CABP1: variants seen among roughly 807,000 people sequenced by gnomAD.
The protein encoded by CABP1 is calcium binding protein 1, also known as calcium-binding protein 1.
In CABP1, 17 loss-of-function variants were observed where a neutral mutation model predicts 34.3. That is an observed-to-expected ratio of 0.50 (90% CI 0.34 to 0.74). The LOEUF (loss-of-function observed/expected upper bound fraction) is 0.74, where lower values mean the gene tolerates loss of function less well. CABP1 is among the 30% of genes least tolerant of loss of function. CABP1 has a pLI of 0.01. For synonymous variants in CABP1, 198 were observed against 229.2 expected (o/e 0.86, Z 1.23); for missense variants, 373 against 511.1 (o/e 0.73, Z 2.61).
In CABP1 at chr12:120,640,721, G is replaced by A; in HGVS notation, c.36G>A (p.Pro12=). The A allele has an allele frequency of 1.7e-6, 2 of 1,185,754 alleles. No individual in the cohort carries two copies. The highest frequency in any genetic ancestry group is 4.0e-5 in the South Asian group (1 of 25,188). 73.5% of individuals were successfully genotyped at this position (1,185,754 alleles called of 1,614,324 possible). A position where few individuals can be genotyped will look rare whatever the true frequency, so the allele number is the denominator to read the frequency against. The part of the protein sequence containing the change: ...GGGDGAAFKR[P]GDGARLQRVL... ...GCGACGGGGCCGCATTTAAGCGGCC[G>A]GGGGACGGCGCCCGCCTCCAGCGCG... The change falls in exon 1 of 6, where the codon CCG becomes CCA. Residue 12 remains proline (P), a synonymous_variant. Coordinates refer to ENST00000316803, the MANE Select transcript of CABP1 (RefSeq NM_001033677.2). This position sits in a 1 kb window ranked among gnomAD's most constrained non-coding sequence, Gnocchi z 6.2.
chr12:120,657,978 T>C (rs1880349009), intron 1 of CABP1, among the ~76,000 whole-genome samples: 1 of 152,126 alleles, frequency 6.6e-6, no homozygotes, highest in African/African-American at 2.4e-5. Flanking sequence ...AGACTGCTGG[T>C]ATGACCCATT....
At chr12:120,668,972 C>T (rs563408163), downstream of CABP1, among the ~76,000 whole-genome samples, 2 of 152,344 alleles carry the variant, frequency 1.3e-5, no homozygotes, top group South Asian at 4.1e-4. Context: ...GAATTTGCAT[C>T]TCTTACAAGT....
the CABP1 span, among the ~76,000 whole-genome samples, chr12:120,673,029 CA>C: frequency 6.7e-6 from 1 of 150,286 alleles, no homozygotes; most frequent in African/African-American, 2.5e-5. Context: ...GATTCCATTG[CA>C]AAAAAGAAAA....
chr12:120,650,669 ATC>A, intron 1 of CABP1: 1 of 1,614,042 alleles, frequency 6.2e-7, no homozygotes, highest in Non-Finnish European at 8.5e-7. Flanking sequence ...CCACTGAGAA[ATC>A]TCTCAAGGAA....
intron 1 of CABP1, chr12:120,655,762 G>C (rs930291591): frequency 1.4e-6 from 2 of 1,476,422 alleles, no homozygotes; most frequent in Non-Finnish European, 1.8e-6. Flanking sequence ...GAAGCCCCCC[G>C]CTGCCCCTGT....
chr12:120,673,498 C>T, the CABP1 span, among the ~76,000 whole-genome samples: 5 of 151,878 alleles, frequency 3.3e-5, no homozygotes, highest in African/African-American at 1.2e-4. Context: ...GCAGGAGAAT[C>T]GCTTGAACCC....
Position 120,659,892 on chromosome 12 carries a change from A to G in CABP1, c.669A>G (p.Arg223=). The change falls in exon 2 of 6, where the codon CGA becomes CGG. Residue 223 remains arginine, a synonymous_variant. Transcript: ENST00000316803. ...TTTTGTTTCAGGATAGATCACTGCG[A>G]CCAGAGGAAATTGAAGGTAAAACTT... The part of the protein sequence containing the change: ...SSAFGQDRSL[R]PEEIEELREA... The G allele has an allele frequency of 1.9e-6, 3 of 1,613,974 alleles. No individual in the cohort carries two copies. The highest frequency in any genetic ancestry group is 2.2e-5 in the East Asian group (1 of 44,866).
intron 1 of CABP1, among the ~76,000 whole-genome samples, chr12:120,648,786 C>T (rs978904341): frequency 5.3e-5 from 8 of 151,694 alleles, no homozygotes; most frequent in African/African-American, 1.9e-4. Flanking sequence ...GAGGCTGAGC[C>T]AGGAGAATCG....
In CABP1 at chr12:120,660,964, C is replaced by T; in HGVS notation, c.940-107C>T. The T allele has an allele frequency of 2.8e-6, 4 of 1,436,260 alleles. No homozygotes were observed. Among genetic ancestry groups the T allele is most frequent in the Non-Finnish European group, 3.9e-6 (4 of 1,038,210 alleles). 89.0% of individuals were successfully genotyped at this position (1,436,260 alleles called of 1,614,324 possible). A position where few individuals can be genotyped will look rare whatever the true frequency, so the allele number is the denominator to read the frequency against. The stretch of plus-strand genomic sequence containing the variant: ...GGAGGGAGCTTGGACAGAGAAAGGT[C>T]TCTGGTAAAGGGGGGCAATGACACT... On this transcript the variant is annotated intron_variant, in intron 4 of 5. Transcript: ENST00000316803. The surrounding 1 kb of genome is among the most constrained non-coding windows in gnomAD (Gnocchi z 5.0).
the CABP1 span, among the ~76,000 whole-genome samples, chr12:120,673,305 C>T: frequency 6.6e-6 from 1 of 152,088 alleles, no homozygotes; most frequent in Non-Finnish European, 1.5e-5. Flanking sequence ...TCTAAAAAGG[C>T]CTGGCGTGGT....
chr12:120,653,013 T>C (rs1042549274), intron 1 of CABP1, among the ~76,000 whole-genome samples: 2 of 152,134 alleles, frequency 1.3e-5, no homozygotes, highest in African/African-American at 4.8e-5. Context: ...CAGAAAAGAA[T>C]TGCAGCCTCT....
intron 1 of CABP1, chr12:120,655,830 CGTGTGTGT>C (rs746144300): frequency 2.3e-6 from 2 of 879,634 alleles, no homozygotes; most frequent in Non-Finnish European, 2.6e-6. Flanking sequence ...TGCGTGCGTG[CGTGTGTGT>C]GTGTGTGTGT....
Position 120,661,339 on chromosome 12 carries a change from C to A in CABP1, c.1087+121C>A. The A allele has an allele frequency of 8.7e-7, 1 of 1,143,878 alleles. No homozygotes were observed. Among genetic ancestry groups the A allele is most frequent in the Non-Finnish European group, 1.2e-6 (1 of 818,300 alleles). 70.9% of individuals were successfully genotyped at this position (1,143,878 alleles called of 1,614,324 possible). On this transcript the variant is annotated intron_variant, in intron 5 of 5. Transcript: ENST00000316803. This position sits in a 1 kb window ranked among gnomAD's most constrained non-coding sequence, Gnocchi z 5.1. Reference sequence around the variant, plus strand: ...CTAATTTTCCAACCCCCAGCCCTTTCATCCTCTTATCCCTCCGTCCATGCC... The same window carrying A: ...CTAATTTTCCAACCCCCAGCCCTTTAATCCTCTTATCCCTCCGTCCATGCC...
intron 1 of CABP1, among the ~76,000 whole-genome samples, chr12:120,654,239 C>T (rs966032320): frequency 2.0e-5 from 3 of 152,222 alleles, no homozygotes; most frequent in African/African-American, 7.2e-5. Flanking sequence ...AGTTCCTTCA[C>T]CTCCAGCCTG....
In CABP1 at chr12:120,641,361, A is replaced by C; in HGVS notation, c.654+22A>C. On this transcript the variant is annotated intron_variant, in intron 1 of 5. Coordinates refer to ENST00000316803, the MANE Select transcript of CABP1 (RefSeq NM_001033677.2). This position sits in a 1 kb window ranked among gnomAD's most constrained non-coding sequence, Gnocchi z 6.7. ...CCAGGTAAGGGCCGCGCCTCCCGTC[A>C]GCGCTCCCGGGAAAGGCGCTCGGGA... 1 of 1,261,748 alleles carries C rather than the reference A, an allele frequency of 7.9e-7. No individual in the cohort carries two copies. Among genetic ancestry groups the C allele is most frequent in the Non-Finnish European group, 1.0e-6 (1 of 1,003,008 alleles). 78.2% of individuals were successfully genotyped at this position (1,261,748 alleles called of 1,614,324 possible). A position where few individuals can be genotyped will look rare whatever the true frequency, so the allele number is the denominator to read the frequency against.
chr12:120,663,425 C>T (rs937201789), intron 5 of CABP1, among the ~76,000 whole-genome samples: 8 of 151,916 alleles, frequency 5.3e-5, no homozygotes. Flanking sequence ...TAGGGGTGCA[C>T]CACCATGCCT....
intron 1 of CABP1, among the ~76,000 whole-genome samples, chr12:120,652,718 C>T (rs1289402956): frequency 6.6e-6 from 1 of 152,192 alleles, no homozygotes; most frequent in Non-Finnish European, 1.5e-5. Flanking sequence ...CTCCCTCATT[C>T]GGCTTCTCCT....
the CABP1 span, among the ~76,000 whole-genome samples, chr12:120,679,726 C>T: frequency 6.6e-6 from 1 of 152,046 alleles, no homozygotes; most frequent in South Asian, 2.1e-4. Flanking sequence ...ACTAGGGACG[C>T]TGAGGCAGGA....
rs1424159240 is a variant in CABP1 at position 120,640,857 on chromosome 12, A to G, written c.172A>G (p.Met58Val). The change falls in exon 1 of 6, where the codon ATG becomes GTG. Residue 58 changes from methionine to valine, a missense_variant. Transcript: ENST00000316803. The surrounding 1 kb of genome is among the most constrained non-coding windows in gnomAD (Gnocchi z 6.2). ...PGHASAGPAA[M>V]SSHIAKSESK... ...CCATGCGAGCGCGGGCCCCGCCGCG[A>G]TGAGCTCGCACATCGCCAAAAGCGA... The G allele has an allele frequency of 9.3e-7, 1 of 1,074,468 alleles. No homozygotes were observed. Among genetic ancestry groups the G allele is most frequent in the Non-Finnish European group, 1.1e-6 (1 of 889,182 alleles). The allele number at this position is 1,074,468 out of a possible 1,614,324, so 66.6% of individuals were successfully genotyped here.
Sources: allele counts gnomAD v4.1 joint callset (sites outside exome capture counted in the v4.1 genomes callset), GRCh38; gene constraint gnomAD v4.1.1; non-coding constraint Gnocchi (gnomAD v3.1); transcripts MANE v1.5; gene names NCBI Gene and HGNC (gene_info 2026-07-23, HGNC 2026-07-21).